Variants in MARCHF1 observed in about 807,000 individuals in gnomAD.
MARCHF1 encodes the protein membrane associated ring-CH-type finger 1, also known as E3 ubiquitin-protein ligase MARCHF1.
MARCHF1 carries 40 observed loss-of-function variants against 54.2 expected under a neutral mutation model. The observed-to-expected ratio is 0.74, with a 90% CI of 0.57 to 0.96. MARCHF1 has a LOEUF of 0.96. MARCHF1 is among the 40% of genes least tolerant of loss of function. The pLI, the probability that MARCHF1 is intolerant of heterozygous loss-of-function variation, is 0.00. For synonymous variants in MARCHF1, 236 were observed against 236.3 expected (o/e 1.00, Z 0.01); for missense variants, 586 against 656.5 (o/e 0.89, Z 1.17).
chr4:164,380,823 C>A (rs1379864908), intron 1 of MARCHF1, among the ~76,000 whole-genome samples: 2 of 152,128 alleles, frequency 1.3e-5, no homozygotes, highest in Non-Finnish European at 2.9e-5. Context: ...TATCAAAGGC[C>A]TACAGGAAAG....
chr4:163,908,178 GAT>G, intron 3 of MARCHF1, among the ~76,000 whole-genome samples: 1 of 152,094 alleles, frequency 6.6e-6, no homozygotes, highest in Non-Finnish European at 1.5e-5. Context: ...CCACACAAAA[GAT>G]TTTAATCAGC....
chr4:164,072,971 C>A (rs916456000), intron 2 of MARCHF1, among the ~76,000 whole-genome samples: 12 of 152,100 alleles, frequency 7.9e-5, no homozygotes, highest in African/African-American at 2.7e-4. Flanking sequence ...GAGGAGAGAG[C>A]CTCACGGCAA....
intron 1 of MARCHF1, among the ~76,000 whole-genome samples, chr4:164,314,099 T>C (rs2111439623): frequency 6.6e-6 from 1 of 152,306 alleles, no homozygotes; most frequent in East Asian, 1.9e-4. Context: ...AGAAGCCCTT[T>C]CATTTATGCC....
chr4:164,174,200 G>GA (rs1441236294), intron 1 of MARCHF1, among the ~76,000 whole-genome samples: 1 of 151,916 alleles, frequency 6.6e-6, no homozygotes, highest in African/African-American at 2.4e-5. Context: ...TGAGAGGTGG[G>GA]AAAAAACAAT....
At chr4:163,862,704 C>A (rs1210237142) in intron 3 of MARCHF1, among the ~76,000 whole-genome samples, 3 of 152,058 alleles carry the variant, frequency 2.0e-5, no homozygotes, top group Admixed American at 6.6e-5. Flanking sequence ...CCAGCAACTG[C>A]ACTTACAGCT....
At chr4:163,895,806 A>G (rs1750793395) in intron 3 of MARCHF1, among the ~76,000 whole-genome samples, 1 of 152,140 alleles carries the variant, frequency 6.6e-6, no homozygotes, top group Admixed American at 6.6e-5. Flanking sequence ...CTCGGCTGTC[A>G]CTATGACATG....
chr4:163,540,587 T>C lies in MARCHF1; in HGVS notation c.1339+5009A>G, dbSNP rs530113588. ...TATATGTACATTATTTATATAGCCA[T>C]GTTTCAATCTATTTGATGCAAGGTA... On this transcript the variant is annotated intron_variant, in intron 9 of 9. Coordinates refer to ENST00000514618, the MANE Select transcript of MARCHF1 (RefSeq NM_001394959.1). Among the ~76,000 whole-genome samples the C allele has an allele frequency of 3.3e-5, 5 of 152,360 alleles. No homozygotes were observed. In the East Asian group the frequency reaches 9.6e-4, roughly 29 times the overall value.
At chr4:163,605,961 T>C (rs1741129209) in intron 7 of MARCHF1, among the ~76,000 whole-genome samples, 1 of 152,046 alleles carries the variant, frequency 6.6e-6, no homozygotes, top group Non-Finnish European at 1.5e-5. Flanking sequence ...ATGTAGATGA[T>C]AGGTTGATGG....
At chr4:164,345,881 A>T (rs1270489860) in intron 1 of MARCHF1, among the ~76,000 whole-genome samples, 1 of 152,070 alleles carries the variant, frequency 6.6e-6, no homozygotes, top group Non-Finnish European at 1.5e-5. Flanking sequence ...TAAATATTGG[A>T]AGCTTTCTGA....
intron 2 of MARCHF1, among the ~76,000 whole-genome samples, chr4:164,016,456 T>A (rs1401514583): frequency 6.6e-6 from 1 of 151,890 alleles, no homozygotes; most frequent in Non-Finnish European, 1.5e-5. Flanking sequence ...ACACAAAACC[T>A]AACCATATCA....
intron 4 of MARCHF1, among the ~76,000 whole-genome samples, chr4:163,793,465 A>G (rs1222460465): frequency 1.3e-5 from 2 of 152,164 alleles, no homozygotes; most frequent in Non-Finnish European, 1.5e-5. Flanking sequence ...ACTAATCAGG[A>G]TATTTCCTGG....
intron 4 of MARCHF1, among the ~76,000 whole-genome samples, chr4:163,825,178 G>T (rs1199606429): frequency 6.6e-6 from 1 of 152,014 alleles, no homozygotes; most frequent in Non-Finnish European, 1.5e-5. Context: ...ACACTTATAA[G>T]TGAGAACATG....
chr4:163,820,851 C>A (rs1389698), intron 4 of MARCHF1, among the ~76,000 whole-genome samples: 126,474 of 151,574 alleles, frequency 0.83, 53,492 homozygotes, highest in East Asian at 0.95. Context: ...TTCCTGGGAC[C>A]CTGAAATAGC....
intron 1 of MARCHF1, among the ~76,000 whole-genome samples, chr4:164,349,025 T>TC (rs1730200177): frequency 6.6e-6 from 1 of 152,148 alleles, no homozygotes; most frequent in Non-Finnish European, 1.5e-5. Flanking sequence ...CTGGGAAGGC[T>TC]TTACTTTTCC....
At chr4:163,822,805 G>A (rs867389023) in intron 4 of MARCHF1, among the ~76,000 whole-genome samples, 11 of 151,782 alleles carry the variant, frequency 7.2e-5, no homozygotes, top group African/African-American at 2.7e-4. Flanking sequence ...CTGATCTATT[G>A]GAAAACCAGG....
chr4:163,804,391 C>A (rs890100994), intron 4 of MARCHF1, among the ~76,000 whole-genome samples: 2 of 152,156 alleles, frequency 1.3e-5, no homozygotes, highest in African/African-American at 2.4e-5. Context: ...AATTCCCAGG[C>A]TCCATCCCAG....
rs150343812 is a variant in MARCHF1, at chr4:163,966,262, G to A, written c.-39+22239C>T. On this transcript the variant is annotated intron_variant, in intron 3 of 9. Coordinates refer to ENST00000514618, the MANE Select transcript of MARCHF1 (RefSeq NM_001394959.1). ...TAGTTATTTTGCATATAAGGGAGAT[G>A]TTATTTCATTGTAATTAGGTTATTT... Among the ~76,000 whole-genome samples the A allele has an allele frequency of 5.2e-3, 791 of 151,996 alleles. 4 individuals carry two copies. Among genetic ancestry groups the A allele is most frequent in the Admixed American group, 7.9e-3 (121 of 15,244 alleles).
At chr4:163,836,141 A>G (rs1454703287) in intron 4 of MARCHF1, among the ~76,000 whole-genome samples, 1 of 152,140 alleles carries the variant, frequency 6.6e-6, no homozygotes, top group Non-Finnish European at 1.5e-5. Context: ...TAGAATAAAC[A>G]TCTTTCCATG....
chr4:163,725,426 C>A, intron 4 of MARCHF1, among the ~76,000 whole-genome samples: 2 of 146,834 alleles, frequency 1.4e-5, no homozygotes, highest in African/African-American at 2.5e-5. Context: ...TGAAGTGAGC[C>A]ATGATTGTGC....
Sources: allele counts gnomAD v4.1 joint callset (sites outside exome capture counted in the v4.1 genomes callset), GRCh38; gene constraint gnomAD v4.1.1; transcripts MANE v1.5; gene names NCBI Gene and HGNC (gene_info 2026-07-23, HGNC 2026-07-21).